The following OSCP1 variants were observed in gnomAD, a reference collection of about 807,000 sequenced individuals.
The protein encoded by OSCP1 is organic solute carrier partner 1.
In OSCP1, 35 loss-of-function variants were observed where a neutral mutation model predicts 45.1. That is an observed-to-expected ratio of 0.78 (90% CI 0.59 to 1.03). The LOEUF (loss-of-function observed/expected upper bound fraction) is 1.03, where lower values mean the gene tolerates loss of function less well. OSCP1 is among the 50% of genes least tolerant of loss of function. OSCP1 has a pLI of 0.00. For missense variants in OSCP1, 400 were observed against 470.7 expected (o/e 0.85, Z 1.39); for synonymous variants, 179 against 180.1 (o/e 0.99, Z 0.05).
In OSCP1 at chr1:36,426,694, G is replaced by A. The variant is rs74919131; in HGVS notation, c.517-3228C>T. ...GTCTGGTCTCCCTGCCTTCCTTCTC[G>A]CCTGCTGTATTTTTTTATTTTAATT... On this transcript the variant is annotated intron_variant, in intron 4 of 9. Transcript: ENST00000235532. Among the ~76,000 whole-genome samples the A allele has an allele frequency of 1.6e-3, 238 of 151,976 alleles. 8 individuals carry two copies. The East Asian group carries it at 0.043, about 27-fold the overall frequency.
At chr1:36,450,113 C>T in intron 1 of OSCP1, 145 bp downstream of exon 1, 1 of 659,454 alleles carries the variant, frequency 1.5e-6, no homozygotes, top group Non-Finnish European at 2.6e-6. Flanking sequence ...CGAGGGGCTC[C>T]AAATGGATGT....
intron 1 of OSCP1, among the ~76,000 whole-genome samples, chr1:36,448,990 A>G (rs1649707480): frequency 6.6e-6 from 1 of 152,174 alleles, no homozygotes; most frequent in African/African-American, 2.4e-5. Flanking sequence ...TGGAGGGGGT[A>G]TGTTATAGGG....
At position 36,420,559 on chromosome 1, in the gene OSCP1, C is replaced by A. The variant is rs1218267161; in HGVS notation, c.876G>T (p.Leu292=). Residue 292 remains leucine (L), a synonymous_variant, in exon 8 of 10, where the codon CTG becomes CTT. Coordinates refer to ENST00000235532, the MANE Select transcript of OSCP1 (RefSeq NM_145047.5). ...AKEELNFLAR[L]MGGMEIKKPS... ...GTTTCTTAATCTCCATCCCTCCCAT[C>A]AGCCTGGCCAAGAAATTCAGCTCTT... 6.2e-7 allele frequency: 1 copy of A among 1,614,178 alleles called. No individual in the cohort carries two copies. The highest frequency in any genetic ancestry group is 8.5e-7 in the Non-Finnish European group (1 of 1,180,038).
intron 1 of OSCP1, among the ~76,000 whole-genome samples, chr1:36,441,780 GTTT>G (rs1352950401): frequency 7.0e-6 from 1 of 143,296 alleles, no homozygotes; most frequent in Non-Finnish European, 1.5e-5. Context: ...AAAGTAATTT[GTTT>G]TTTATTTTTT....
intron 4 of OSCP1, among the ~76,000 whole-genome samples, chr1:36,425,579 A>T (rs1420774803): frequency 6.6e-6 from 1 of 151,836 alleles, no homozygotes; most frequent in East Asian, 1.9e-4. Flanking sequence ...CTAAAAATAC[A>T]AAAAATTAGC....
At chr1:36,438,385 G>A (rs1238211512) in intron 2 of OSCP1, among the ~76,000 whole-genome samples, 1 of 151,804 alleles carries the variant, frequency 6.6e-6, no homozygotes, top group Non-Finnish European at 1.5e-5. Context: ...AGCTACTTGG[G>A]AGTCTGAGGC....
At chr1:36,434,176 C>A (rs577909772) in intron 2 of OSCP1, among the ~76,000 whole-genome samples, 16 of 152,066 alleles carry the variant, frequency 1.1e-4, no homozygotes, top group Admixed American at 5.2e-4. Context: ...ATGTCTGGGG[C>A]AGGATTGAAA....
At chr1:36,432,362 T>G in intron 3 of OSCP1, 60 bp downstream of exon 3, 1 of 1,571,314 alleles carries the variant, frequency 6.4e-7, no homozygotes, top group Non-Finnish European at 8.7e-7. Context: ...TACCTGTTCT[T>G]AACAGAGGGA....
rs140749623 is a variant in OSCP1 at position 36,420,545 on chromosome 1, T to A, written c.890A>T (p.Glu297Val). 3.7e-6 allele frequency: 6 copies of A among 1,614,044 alleles called. No individual in the cohort carries two copies. Among genetic ancestry groups the A allele is most frequent in the Non-Finnish European group, 5.1e-6 (6 of 1,180,040 alleles). The change falls in exon 8 of 10, where the codon GAG becomes GTG. Residue 297 changes from glutamate to valine, a missense_variant. Transcript: ENST00000235532. ...NFLARLMGGMEIKKPSGPEPG... is the reference protein window; with the variant it reads ...NFLARLMGGMVIKKPSGPEPG... ...CTCAGGGCCACTGGGTTTCTTAATC[T>A]CCATCCCTCCCATCAGCCTGGCCAA...
chr1:36,442,799 C>A (rs1230560731), intron 1 of OSCP1, among the ~76,000 whole-genome samples: 4 of 152,082 alleles, frequency 2.6e-5, no homozygotes, highest in Non-Finnish European at 4.4e-5. Flanking sequence ...TTATTATCCT[C>A]ATTTTTTTTT....
rs1158771434 is a variant in OSCP1 at position 36,447,185 on chromosome 1, T to G, written c.112+3073A>C. 1.3e-5 allele frequency among the ~76,000 whole-genome samples: 2 copies of G among 152,198 alleles called. No individual in the cohort carries two copies. Among genetic ancestry groups the G allele is most frequent in the Non-Finnish European group, 2.9e-5 (2 of 68,038 alleles). ...AGGGATCTGTTACAGGGGCTCTCGC[T>G]CCTGTGGCCACAACAACTTTAAATG... On this transcript the variant is annotated intron_variant, in intron 1 of 9. Coordinates refer to ENST00000235532, the MANE Select transcript of OSCP1 (RefSeq NM_145047.5). This position sits in a 1 kb window ranked among gnomAD's most constrained non-coding sequence, Gnocchi z 4.1.
At position 36,447,773 on chromosome 1, in the gene OSCP1, C is replaced by T; in HGVS notation, c.112+2485G>A. ...ATTGTTTTATTGTTGATTGCTGTCA[C>T]TAGAATCAGTTACTGGAGTGGACTG... is the stretch of plus-strand genomic sequence containing the variant. On this transcript the variant is annotated intron_variant, in intron 1 of 9. Transcript: ENST00000235532. This position sits in a 1 kb window ranked among gnomAD's most constrained non-coding sequence, Gnocchi z 4.1. The T allele has an allele frequency of 3.2e-6, 1 of 312,618 alleles. No individual in the cohort carries two copies. Among genetic ancestry groups the T allele is most frequent in the Non-Finnish European group, 6.8e-6 (1 of 147,584 alleles). The allele number at this position is 312,618 out of a possible 1,614,324, so 19.4% of individuals were successfully genotyped here.
In OSCP1 at chr1:36,450,358, C is replaced by T; in HGVS notation, c.12G>A (p.Arg4=). 1 of 1,613,866 alleles carries T rather than the reference C, an allele frequency of 6.2e-7. No homozygotes were observed. The highest frequency in any genetic ancestry group is 8.5e-7 in the Non-Finnish European group (1 of 1,179,860). Residue 4 remains arginine, a synonymous_variant, in exon 1 of 10, where the codon CGG becomes CGA. Transcript: ENST00000235532. The part of the protein sequence containing the change: MSV[R]TLPLLFLNLG... ...AGTTCAAGAAGAGCAGCGGTAGCGTCCGCACCGACATGGTGCTGGAAACGA... is the reference window on the plus strand; with the variant it reads ...AGTTCAAGAAGAGCAGCGGTAGCGTTCGCACCGACATGGTGCTGGAAACGA...
intron 6 of OSCP1, among the ~76,000 whole-genome samples, 187 bp from the exon 7 acceptor site, chr1:36,422,406 C>T (rs1444085872): frequency 6.6e-6 from 1 of 152,204 alleles, no homozygotes; most frequent in Admixed American, 6.5e-5. Context: ...AAGAAAAACA[C>T]CTGGGGAGGC....
intron 4 of OSCP1, 109 bp from the exon 5 acceptor site, chr1:36,423,575 T>C (rs936871932): frequency 2.1e-5 from 18 of 852,380 alleles, no homozygotes; most frequent in Non-Finnish European, 3.1e-5. Flanking sequence ...TATGAGTTTA[T>C]AACAATAAGA....
chr1:36,444,967 T>C (rs1320857370), intron 1 of OSCP1, among the ~76,000 whole-genome samples: 1 of 152,220 alleles, frequency 6.6e-6, no homozygotes, highest in Non-Finnish European at 1.5e-5. Flanking sequence ...GGATGGAAGA[T>C]GACTTTTTTC....
intron 2 of OSCP1, 89 bp downstream of exon 2, chr1:36,438,667 A>C: frequency 1.4e-6 from 2 of 1,454,632 alleles, no homozygotes; most frequent in Non-Finnish European, 9.2e-7. Context: ...GGACCATTGC[A>C]TACATCATCT....
intron 7 of OSCP1, 114 bp downstream of exon 7, chr1:36,422,036 C>G (rs1387923717): frequency 9.7e-7 from 1 of 1,025,892 alleles, no homozygotes; most frequent in East Asian, 2.4e-5. Flanking sequence ...AGATTGCACA[C>G]AACAGGGGAA....
At chr1:36,430,394 G>A (rs971206846) in intron 4 of OSCP1, among the ~76,000 whole-genome samples, 6 of 152,168 alleles carry the variant, frequency 3.9e-5, no homozygotes, top group Non-Finnish European at 7.3e-5. Flanking sequence ...ATGTAGGCAA[G>A]GCAGGAGGAG....
Sources: allele counts gnomAD v4.1 joint callset (sites outside exome capture counted in the v4.1 genomes callset), GRCh38; gene constraint gnomAD v4.1.1; non-coding constraint Gnocchi (gnomAD v3.1); transcripts MANE v1.5; gene names NCBI Gene and HGNC (gene_info 2026-07-23, HGNC 2026-07-21).